Variants in ATE1 observed in about 807,000 individuals in gnomAD.
ATE1 encodes arginyltransferase 1, also known as arginyl-tRNA--protein transferase 1.
In ATE1, 36 loss-of-function variants were observed where a neutral mutation model predicts 70.5. That is an observed-to-expected ratio of 0.51 (90% CI 0.39 to 0.67). The LOEUF is 0.67. ATE1 is among the 30% of genes least tolerant of loss of function. ATE1 has a pLI of 0.00. For synonymous variants in ATE1, 232 were observed against 219.3 expected (o/e 1.06, Z -0.51); for missense variants, 593 against 629.5 (o/e 0.94, Z 0.62).
intron 7 of ATE1, among the ~76,000 whole-genome samples, chr10:121,873,392 G>A (rs1394667866): frequency 1.3e-5 from 2 of 152,080 alleles, no homozygotes; most frequent in East Asian, 1.9e-4. Context: ...TACTGACCTT[G>A]CTTTTCTTAA....
intron 10 of ATE1, among the ~76,000 whole-genome samples, chr10:121,812,482 T>G (rs1280243072): frequency 6.6e-6 from 1 of 152,148 alleles, no homozygotes; most frequent in Non-Finnish European, 1.5e-5. Flanking sequence ...TTTAAGTCCT[T>G]CCAATTCCTG....
Position 121,746,644 on chromosome 10 carries a change from C to T in ATE1, c.1379-2786G>A, listed in dbSNP as rs530657249. 2.0e-5 allele frequency among the ~76,000 whole-genome samples: 3 copies of T among 152,204 alleles called. No individual in the cohort carries two copies. In the South Asian group the frequency reaches 6.2e-4, roughly 32 times the overall value. On this transcript the variant is annotated intron_variant, in intron 11 of 11. Transcript: ENST00000224652. ...AGCCCAAAGCCAATGATCAACTTTT[C>T]ACAGTACATTCACTACAAATTTAAT...
At chr10:121,861,822 T>C (rs1356829026) in intron 8 of ATE1, among the ~76,000 whole-genome samples, 1 of 151,896 alleles carries the variant, frequency 6.6e-6, no homozygotes, top group East Asian at 1.9e-4. Context: ...AAAAACTAAC[T>C]GAAGTACCGT....
intron 10 of ATE1, among the ~76,000 whole-genome samples, chr10:121,809,458 T>TG (rs1259830335): frequency 6.6e-6 from 1 of 152,086 alleles, no homozygotes; most frequent in Non-Finnish European, 1.5e-5. Context: ...ACACTGAATA[T>TG]GGGGGAAAAA....
In ATE1 at chr10:121,742,935, A is replaced by C. The variant is rs557345747; in HGVS notation, c.*745T>G. ...TCTTTAAAAAAATTCAATTTCTTAC[A>C]TTTTTAGAAGTAAAGCAAATAATAT... On this transcript the variant is annotated 3_prime_UTR_variant, in exon 12 of 12. Coordinates refer to ENST00000224652, the MANE Select transcript of ATE1 (RefSeq NM_001001976.3). 2 of 152,326 alleles carry C rather than the reference A, an allele frequency of 1.3e-5. No homozygotes were observed. Among genetic ancestry groups the C allele is most frequent in the East Asian group, 1.9e-4 (1 of 5,192 alleles). 9.4% of individuals were successfully genotyped at this position (152,326 alleles called of 1,614,324 possible).
At chr10:121,830,949 G>A (rs1313448528) in intron 10 of ATE1, among the ~76,000 whole-genome samples, 2 of 152,052 alleles carry the variant, frequency 1.3e-5, no homozygotes, top group African/African-American at 4.8e-5. Context: ...TCTCTACTTT[G>A]GACTGTAGCT....
At chr10:121,874,421 A>G (rs1164673654) in intron 7 of ATE1, among the ~76,000 whole-genome samples, 2 of 152,352 alleles carry the variant, frequency 1.3e-5, no homozygotes, top group Non-Finnish European at 2.9e-5. Context: ...CATTGCAGAC[A>G]AATAAAACCT....
chr10:121,808,968 T>C (rs1947207405), intron 10 of ATE1, among the ~76,000 whole-genome samples: 1 of 152,252 alleles, frequency 6.6e-6, no homozygotes, highest in Non-Finnish European at 1.5e-5. Flanking sequence ...CCATTTATGA[T>C]CTGTAACATA....
chr10:121,920,241 T>G (rs1414259199), intron 3 of ATE1, among the ~76,000 whole-genome samples: 1 of 151,820 alleles, frequency 6.6e-6, no homozygotes, highest in Admixed American at 6.6e-5. Context: ...ATCCCAGCAC[T>G]TTGGGAGGCT....
At chr10:121,801,389 C>G (rs539766243) in intron 10 of ATE1, among the ~76,000 whole-genome samples, 28 of 151,914 alleles carry the variant, frequency 1.8e-4, no homozygotes, top group African/African-American at 5.3e-4. Flanking sequence ...TTTTGGAAAC[C>G]CTGAGTTAAT....
intron 10 of ATE1, among the ~76,000 whole-genome samples, chr10:121,826,462 C>T (rs183133738): frequency 6.6e-5 from 10 of 152,280 alleles, no homozygotes; most frequent in African/African-American, 2.2e-4. Context: ...TGCGTCACCA[C>T]ATCCACTAAA....
chr10:121,900,558 A>G (rs1950940899), intron 6 of ATE1, among the ~76,000 whole-genome samples: 1 of 152,240 alleles, frequency 6.6e-6, no homozygotes, highest in Non-Finnish European at 1.5e-5. Flanking sequence ...TTGTAAAATA[A>G]GGATAAGTTT....
Position 121,810,635 on chromosome 10 carries a change from C to T in ATE1, c.1258-20346G>A, listed in dbSNP as rs560269644. 3.9e-5 allele frequency among the ~76,000 whole-genome samples: 6 copies of T among 152,246 alleles called. No homozygotes were observed. The South Asian group carries it at 1.2e-3, about 32-fold the overall frequency. On this transcript the variant is annotated intron_variant, in intron 10 of 11. Transcript: ENST00000224652. ...TTACATATGACTAGTATGACTGAAA[C>T]ATCAATACCTTCCTCCTATCAAAAT...
chr10:121,818,256 C>CA (rs66792557), intron 10 of ATE1, among the ~76,000 whole-genome samples: 15,760 of 63,414 alleles, frequency 0.25, 4,105 homozygotes, highest in East Asian at 0.51. Context: ...GACTCCATCT[C>CA]AAAAAAAAAA....
chr10:121,845,271 G>C (rs1038733307), intron 8 of ATE1, among the ~76,000 whole-genome samples: 2 of 152,144 alleles, frequency 1.3e-5, no homozygotes, highest in African/African-American at 4.8e-5. Flanking sequence ...GGGCTATTAG[G>C]GGAATGATGA....
intron 7 of ATE1, among the ~76,000 whole-genome samples, chr10:121,883,587 TC>T (rs1420288394): frequency 6.6e-6 from 1 of 152,130 alleles, no homozygotes; most frequent in Non-Finnish European, 1.5e-5. Flanking sequence ...AACAGGCAAG[TC>T]CTGCTCGGCA....
intron 10 of ATE1, among the ~76,000 whole-genome samples, chr10:121,802,276 CT>C (rs1421520150): frequency 2.0e-5 from 3 of 151,276 alleles, no homozygotes; most frequent in Admixed American, 6.6e-5. Context: ...TATCTTCTGC[CT>C]GGCAAGGCTA....
intron 8 of ATE1, among the ~76,000 whole-genome samples, chr10:121,851,489 C>T: frequency 6.6e-6 from 1 of 152,220 alleles, no homozygotes; most frequent in East Asian, 1.9e-4. Context: ...TACTACCGGT[C>T]AGTCTCAACT....
intron 5 of ATE1, among the ~76,000 whole-genome samples, chr10:121,908,579 G>A (rs970924464): frequency 1.3e-5 from 2 of 152,210 alleles, no homozygotes; most frequent in Non-Finnish European, 2.9e-5. Flanking sequence ...TGTCTTTATA[G>A]AAGCAGTCCA....
Sources: gnomAD v4.1 joint callset for allele counts (sites outside exome capture counted in the v4.1 genomes callset) on GRCh38, gnomAD v4.1.1 for gene constraint, MANE v1.5 for transcripts, NCBI Gene and HGNC (gene_info 2026-07-23, HGNC 2026-07-21) for gene names.